SND1: variants seen among roughly 807,000 people sequenced by gnomAD.
The protein encoded by SND1 is staphylococcal nuclease and tudor domain containing 1.
A neutral mutation model predicts 121.7 loss-of-function variants in SND1; 38 were observed. The ratio of observed to expected loss-of-function variants is 0.31; its 90% CI spans 0.24 to 0.41. The LOEUF is 0.41. SND1 is among the 10% of genes least tolerant of loss of function. SND1 has a pLI of 1.00. For missense variants in SND1, 868 were observed against 1,184.6 expected (o/e 0.73, Z 3.92); for synonymous variants, 401 against 447.4 (o/e 0.90, Z 1.31).
chr7:127,808,522 A>G (rs1422723827), intron 11 of SND1, among the ~76,000 whole-genome samples: 1 of 152,212 alleles, frequency 6.6e-6, no homozygotes, highest in Admixed American at 6.5e-5. Flanking sequence ...GGTGTATCCT[A>G]ATTATAAATA....
intron 10 of SND1, among the ~76,000 whole-genome samples, chr7:127,740,530 TG>T (rs2116432751): frequency 6.6e-6 from 1 of 152,308 alleles, no homozygotes; most frequent in South Asian, 2.1e-4. Context: ...TGTAGCAACA[TG>T]GCTCAATCAG....
At chr7:127,863,119 A>AAAATTAAT (rs1368568169) in intron 12 of SND1, among the ~76,000 whole-genome samples, 1 of 152,228 alleles carries the variant, frequency 6.6e-6, no homozygotes, top group African/African-American at 2.4e-5. Context: ...AATAATAATG[A>AAAATTAAT]AAATTAATAA....
chr7:127,698,484 C>T (rs898422993), intron 3 of SND1, among the ~76,000 whole-genome samples: 2 of 152,100 alleles, frequency 1.3e-5, no homozygotes, highest in African/African-American at 2.4e-5. Context: ...GAGAGCTTGT[C>T]GAAGCTATTA....
At chr7:127,952,864 TAC>T (rs1367256753) in intron 15 of SND1, among the ~76,000 whole-genome samples, 1 of 152,120 alleles carries the variant, frequency 6.6e-6, no homozygotes, top group East Asian at 1.9e-4. Flanking sequence ...AAGAGAAACC[TAC>T]AGTCAGAAGA....
chr7:127,672,158 C>T (rs577010592), intron 1 of SND1, among the ~76,000 whole-genome samples: 2 of 151,870 alleles, frequency 1.3e-5, no homozygotes, highest in Admixed American at 1.3e-4. Context: ...GAGGATCTTC[C>T]GTATTTTTTT....
At chr7:128,057,010 C>T (rs1038344883) in intron 16 of SND1, among the ~76,000 whole-genome samples, 2 of 151,994 alleles carry the variant, frequency 1.3e-5, no homozygotes, top group African/African-American at 4.8e-5. Flanking sequence ...GCATCTACAG[C>T]CTGGATATGC....
chr7:127,800,197 G>T (rs1402251812), intron 10 of SND1, among the ~76,000 whole-genome samples: 1 of 152,146 alleles, frequency 6.6e-6, no homozygotes, highest in Non-Finnish European at 1.5e-5. Flanking sequence ...TGTGTGGCAG[G>T]GCAACTGGGA....
At chr7:128,057,524 T>G (rs1327115348) in intron 16 of SND1, among the ~76,000 whole-genome samples, 1 of 152,214 alleles carries the variant, frequency 6.6e-6, no homozygotes, top group Non-Finnish European at 1.5e-5. Flanking sequence ...TCAGCATTTC[T>G]TAGCACATGG....
intron 10 of SND1, among the ~76,000 whole-genome samples, chr7:127,774,697 G>A (rs1049750053): frequency 6.6e-6 from 1 of 151,732 alleles, no homozygotes; most frequent in African/African-American, 2.4e-5. Context: ...TCCTGTCTCA[G>A]CCTCTTGAGA....
intron 4 of SND1, 74 bp downstream of exon 4, chr7:127,699,027 A>G: frequency 8.3e-7 from 1 of 1,203,962 alleles, no homozygotes. Flanking sequence ...TCTTGCCCCC[A>G]GACATGGGTA....
rs756923362 is a variant in SND1 at position 127,887,993 on chromosome 7, C to A, written c.1435C>A (p.Leu479Met). 2 of 1,611,692 alleles carry A rather than the reference C, an allele frequency of 1.2e-6. No individual in the cohort carries two copies. Among genetic ancestry groups the A allele is most frequent in the South Asian group, 1.1e-5 (1 of 91,012 alleles). Residue 479 changes from leucine to methionine, a missense_variant, in exon 13 of 24, where the codon CTG (leucine) becomes ATG (methionine). Transcript: ENST00000354725. ...DDQRSSHYDE[L>M]LAAEARAIKN... ...CCAGAGATCATCACACTACGATGAA[C>A]TGCTTGCTGCAGAGGCCAGGTAAGA... is the stretch of plus-strand genomic sequence containing the variant.
At chr7:127,978,221 A>G (rs1802172317) in intron 15 of SND1, among the ~76,000 whole-genome samples, 1 of 152,214 alleles carries the variant, frequency 6.6e-6, no homozygotes, top group Non-Finnish European at 1.5e-5. Flanking sequence ...GACACCTAGA[A>G]GACAGAAGCA....
chr7:127,844,721 C>T (rs1184961042), intron 12 of SND1, among the ~76,000 whole-genome samples: 3 of 152,126 alleles, frequency 2.0e-5, no homozygotes, highest in African/African-American at 7.2e-5. Flanking sequence ...ATCAAGCAGG[C>T]CCTAGATACT....
intron 13 of SND1, among the ~76,000 whole-genome samples, chr7:127,904,178 T>A (rs1312454797): frequency 1.3e-5 from 2 of 152,180 alleles, no homozygotes; most frequent in Non-Finnish European, 2.9e-5. Context: ...AATCCCCTCT[T>A]ATTATAGCTA....
intron 15 of SND1, among the ~76,000 whole-genome samples, chr7:127,978,987 G>T (rs889413414): frequency 6.6e-6 from 1 of 151,992 alleles, no homozygotes. Flanking sequence ...ACACCTGGCC[G>T]CCTGTATTTT....
intron 16 of SND1, among the ~76,000 whole-genome samples, chr7:128,018,724 G>C (rs149103679): frequency 1.1e-3 from 168 of 152,252 alleles, no homozygotes; most frequent in African/African-American, 3.9e-3. Context: ...AAGCCACCAG[G>C]GGCAAAATAA....
At chr7:127,868,283 G>T (rs1480018680) in intron 12 of SND1, among the ~76,000 whole-genome samples, 3 of 152,170 alleles carry the variant, frequency 2.0e-5, no homozygotes, top group Non-Finnish European at 4.4e-5. Flanking sequence ...TACTCAGGAG[G>T]CTGAGGTGGG....
rs147940242 is a variant in SND1, at chr7:127,947,724, C to T, written c.1669+18395C>T. Among the ~76,000 whole-genome samples the T allele has an allele frequency of 8.6e-4, 131 of 152,224 alleles. 2 individuals carry two copies. Among genetic ancestry groups the T allele is most frequent in the African/African-American group, 3.1e-3 (128 of 41,520 alleles). On this transcript the variant is annotated intron_variant, in intron 15 of 23. Transcript: ENST00000354725. ...CACACTCTTATCATATTTGCAGTTCCCATCCACTCTGAGTCTTGGGTCCTT... is the reference window on the plus strand; with the variant it reads ...CACACTCTTATCATATTTGCAGTTCTCATCCACTCTGAGTCTTGGGTCCTT...
At chr7:127,792,406 A>G (rs1315397943) in intron 10 of SND1, among the ~76,000 whole-genome samples, 1 of 152,200 alleles carries the variant, frequency 6.6e-6, no homozygotes, top group Non-Finnish European at 1.5e-5. Flanking sequence ...GCTTTTAGCT[A>G]CTGTGTCAGG....
Sources: gnomAD v4.1 joint callset for allele counts (sites outside exome capture counted in the v4.1 genomes callset) on GRCh38, gnomAD v4.1.1 for gene constraint, MANE v1.5 for transcripts, NCBI Gene and HGNC (gene_info 2026-07-23, HGNC 2026-07-21) for gene names.